H3-3A: variants seen among roughly 807,000 people sequenced by gnomAD.
The protein encoded by H3-3A is histone H3.3.
For missense variants in H3-3A, 7 were observed against 184.0 expected (o/e 0.04, Z 5.57); for synonymous variants, 49 against 61.4 (o/e 0.80, Z 0.95).
intron 2 of H3-3A, 68 bp from the exon 3 acceptor site, chr1:226,065,587 GA>G: frequency 8.6e-7 from 1 of 1,162,926 alleles, no homozygotes; most frequent in East Asian, 2.4e-5. Flanking sequence ...GCATTTCTTT[GA>G]AGCTGCCCAC....
chr1:226,071,286 G>A (rs1658114146), intron 3 of H3-3A, 65 bp from the exon 4 acceptor site: 8 of 1,308,056 alleles, frequency 6.1e-6, no homozygotes, highest in South Asian at 3.6e-5. Flanking sequence ...GTTTTAATTC[G>A]TATAGTTGGG....
upstream of H3-3A, chr1:226,062,548 GGGGCGAGCGCGCGCCAGCGAAC>G (rs1657753082): frequency 1.3e-5 from 2 of 149,278 alleles, no homozygotes; most frequent in South Asian, 4.2e-4. Flanking sequence ...GCGCGGGGGA[GGGGCGAGCGCGCGCCAGCGAAC>G]GGGCGCGCGG....
chr1:226,067,613 G>T (rs1657971241), intron 3 of H3-3A, among the ~76,000 whole-genome samples: 1 of 151,936 alleles, frequency 6.6e-6, no homozygotes, highest in Non-Finnish European at 1.5e-5. Context: ...GTGGTGGCAG[G>T]CGCCTATAAT....
At chr1:226,066,214 C>T (rs1340972717) in intron 3 of H3-3A, 3 of 243,902 alleles carry the variant, frequency 1.2e-5, no homozygotes, top group African/African-American at 6.7e-5. Context: ...TCTTCAGGTC[C>T]TGAAGAAACA....
In H3-3A at chr1:226,065,800, T is replaced by G; in HGVS notation, c.273T>G (p.Gly91=). 1 of 1,599,430 alleles carries G rather than the reference T, an allele frequency of 6.3e-7. No individual in the cohort carries two copies. The highest frequency in any genetic ancestry group is 8.5e-7 in the Non-Finnish European group (1 of 1,171,650). The stretch of plus-strand genomic sequence containing the variant: ...TGCGCTTCCAGAGCGCAGCTATCGG[T>G]GCTTTGCAGGTAAAATGGTGGGTGG... The part of the protein sequence containing the change: ...TDLRFQSAAI[G]ALQEASEAYL... Residue 91 remains glycine, a synonymous_variant, in exon 3 of 4, where the codon GGT becomes GGG. Coordinates refer to ENST00000366815, the MANE Select transcript of H3-3A (RefSeq NM_002107.7).
intron 2 of H3-3A, 111 bp downstream of exon 2, chr1:226,064,590 T>A (rs1202011641): frequency 1.3e-6 from 1 of 765,188 alleles, no homozygotes; most frequent in Non-Finnish European, 2.1e-6. Flanking sequence ...AACTTTTTTT[T>A]TTCATTTGAA....
intron 3 of H3-3A, chr1:226,066,826 T>C (rs897965757): frequency 1.3e-5 from 2 of 152,450 alleles, no homozygotes; most frequent in African/African-American, 4.8e-5. Context: ...GTGCTGGGCT[T>C]TTGCTTTATG....
At chr1:226,064,582 CTT>C (rs3832021) in intron 2 of H3-3A, 103 bp downstream of exon 2, 6 of 794,572 alleles carry the variant, frequency 7.6e-6, no homozygotes, top group African/African-American at 1.8e-5. Context: ...TTTAGAGAAA[CTT>C]TTTTTTTTCA....
chr1:226,071,168 T>C (rs947991311), intron 3 of H3-3A, among the ~76,000 whole-genome samples, 183 bp from the exon 4 acceptor site: 2 of 152,252 alleles, frequency 1.3e-5, no homozygotes, highest in Non-Finnish European at 1.5e-5. Context: ...TTGTTTTTTT[T>C]CATAAGCTGC....
At chr1:226,069,250 T>C (rs1017023471) in intron 3 of H3-3A, among the ~76,000 whole-genome samples, 1 of 152,138 alleles carries the variant, frequency 6.6e-6, no homozygotes, top group East Asian at 1.9e-4. Flanking sequence ...TTTCTCCGTG[T>C]TGGTCAGTCT....
At chr1:226,070,343 G>A (rs1367256234) in intron 3 of H3-3A, among the ~76,000 whole-genome samples, 2 of 151,750 alleles carry the variant, frequency 1.3e-5, no homozygotes, top group African/African-American at 2.4e-5. Context: ...GTGGTGGTGG[G>A]CGCCTGTAGC....
intron 3 of H3-3A, among the ~76,000 whole-genome samples, chr1:226,069,517 A>G (rs990032398): frequency 6.6e-6 from 1 of 152,124 alleles, no homozygotes; most frequent in Non-Finnish European, 1.5e-5. Context: ...ATTTTTTAAA[A>G]TGGTAATTTC....
intron 1 of H3-3A, 88 bp from the exon 2 acceptor site, chr1:226,064,241 C>A: frequency 1.1e-6 from 1 of 892,104 alleles, no homozygotes; most frequent in Non-Finnish European, 1.8e-6. Flanking sequence ...ATCATAATTT[C>A]CAGATTTGGG....
At chr1:226,066,155 A>G (rs1234472065) in intron 3 of H3-3A, 7 of 384,298 alleles carry the variant, frequency 1.8e-5, no homozygotes, top group Non-Finnish European at 2.8e-5. Context: ...AGAGGTCTAT[A>G]TTTGTAGTAA....
chr1:226,063,229 G>C (rs1231328152), intron 1 of H3-3A, among the ~76,000 whole-genome samples: 1 of 152,050 alleles, frequency 6.6e-6, no homozygotes, highest in Admixed American at 6.6e-5. Flanking sequence ...TCGCACCCTG[G>C]GGTAACTCGC....
intron 1 of H3-3A, among the ~76,000 whole-genome samples, chr1:226,063,158 A>G (rs1197812445): frequency 1.4e-5 from 2 of 144,732 alleles, no homozygotes; most frequent in Non-Finnish European, 3.0e-5. Flanking sequence ...CCTCTTAACT[A>G]CCGCCCCCGG....
At chr1:226,065,573 T>A (rs1657897964) in intron 2 of H3-3A, 83 bp from the exon 3 acceptor site, 2 of 970,278 alleles carry the variant, frequency 2.1e-6, no homozygotes, top group Non-Finnish European at 1.5e-6. Flanking sequence ...TTTGAAAGAT[T>A]ACTGCATTTC....
chr1:226,069,137 C>T (rs1658016505), intron 3 of H3-3A, among the ~76,000 whole-genome samples: 1 of 151,888 alleles, frequency 6.6e-6, no homozygotes, highest in Non-Finnish European at 1.5e-5. Flanking sequence ...GCCTCCGCCT[C>T]CCGGGTTCAA....
intron 3 of H3-3A, among the ~76,000 whole-genome samples, chr1:226,067,492 A>G (rs568918036): frequency 6.6e-6 from 1 of 152,194 alleles, no homozygotes; most frequent in Non-Finnish European, 1.5e-5. Flanking sequence ...TAATCCCAAC[A>G]CTTTGGGAGG....
Sources: gnomAD v4.1 joint callset for allele counts (sites outside exome capture counted in the v4.1 genomes callset) on GRCh38, gnomAD v4.1.1 for gene constraint, MANE v1.5 for transcripts, NCBI Gene and HGNC (gene_info 2026-07-23, HGNC 2026-07-21) for gene names.